Variants in IRAG2 observed in about 807,000 individuals in gnomAD.
The protein encoded by IRAG2 is lymphoid restricted membrane protein.
Under a neutral mutation model 69.9 loss-of-function variants are expected in IRAG2, and 45 were observed. That is an observed-to-expected ratio of 0.64 (90% CI 0.51 to 0.83). IRAG2 has a LOEUF of 0.83. IRAG2 is among the 40% of genes least tolerant of loss of function. The probability of loss-of-function intolerance (pLI) is 0.00; values close to 1 mark genes in which losing one functional copy is unlikely to be tolerated. For synonymous variants in IRAG2, 193 were observed against 202.4 expected (o/e 0.95, Z 0.40); for missense variants, 520 against 587.0 (o/e 0.89, Z 1.18).
In IRAG2 at chr12:25,083,303, T is replaced by C. The variant is rs139971023; in HGVS notation, c.245-120T>C. ...TACATTTTTTGTAGTTCATAATTTGTCTCATATGTTAAGACCTTTGTCAGT... is the reference window on the plus strand; with the variant it reads ...TACATTTTTTGTAGTTCATAATTTGCCTCATATGTTAAGACCTTTGTCAGT... On this transcript the variant is annotated intron_variant, in intron 9 of 21. Transcript: ENST00000556887. 215 of 747,332 alleles carry C rather than the reference T, an allele frequency of 2.9e-4. 1 individual carries two copies. The East Asian group carries it at 4.3e-3, about 15-fold the overall frequency. 46.3% of individuals were successfully genotyped at this position (747,332 alleles called of 1,614,324 possible).
At chr12:25,039,387 C>T (rs1379067223) in intron 16 of IRAG2, among the ~76,000 whole-genome samples, 3 of 152,176 alleles carry the variant, frequency 2.0e-5, no homozygotes, top group African/African-American at 4.8e-5. Flanking sequence ...TAAGTGGACA[C>T]GCAGCTTCCT....
intron 6 of IRAG2, among the ~76,000 whole-genome samples, chr12:25,073,782 T>C (rs1362931498): frequency 2.0e-5 from 3 of 152,252 alleles, no homozygotes; most frequent in Non-Finnish European, 4.4e-5. Context: ...CCAGTCCTTA[T>C]CTTTTGGAGA....
chr12:25,053,421 A>G (rs190269958), intron 1 of IRAG2, among the ~76,000 whole-genome samples: 145 of 152,142 alleles, frequency 9.5e-4, no homozygotes, highest in African/African-American at 3.5e-3. Flanking sequence ...AATTCAGTGT[A>G]TATCAAAATA....
In IRAG2 at chr12:25,106,413, A is replaced by G. The variant is rs1439663900; in HGVS notation, c.1149-530A>G. Among the ~76,000 whole-genome samples the G allele has an allele frequency of 2.1e-5, 3 of 145,956 alleles. No homozygotes were observed. In the East Asian group the frequency reaches 6.0e-4, roughly 29 times the overall value. ...TGTGTATATATTATAAACTTTGTATAAGCATATATTAATATGCATATATTA... is the reference window on the plus strand; with the variant it reads ...TGTGTATATATTATAAACTTTGTATGAGCATATATTAATATGCATATATTA... On this transcript the variant is annotated intron_variant, in intron 20 of 21. Transcript: ENST00000556887.
At chr12:25,017,284 G>A in exon 6 of IRAG2, 1 of 1,232,106 alleles carries the variant, frequency 8.1e-7, no homozygotes, top group Non-Finnish European at 1.0e-6. Flanking sequence ...TGCGCCTTCA[G>A]GTAAAAAGGT....
intron 3 of IRAG2, among the ~76,000 whole-genome samples, chr12:25,013,067 T>G (rs926044084): frequency 1.3e-5 from 2 of 152,176 alleles, no homozygotes; most frequent in African/African-American, 4.8e-5. Context: ...CTCTAGCCCA[T>G]GTGGTGGACT....
chr12:25,028,930 C>T (rs948094900), intron 9 of IRAG2, among the ~76,000 whole-genome samples: 2 of 152,122 alleles, frequency 1.3e-5, no homozygotes, highest in African/African-American at 4.8e-5. Flanking sequence ...TGGGATCTCA[C>T]TCTGTTACCT....
chr12:25,022,007 G>T (rs1944584973), intron 7 of IRAG2, among the ~76,000 whole-genome samples: 1 of 152,200 alleles, frequency 6.6e-6, no homozygotes, highest in Admixed American at 6.5e-5. Flanking sequence ...GCCCACGCTT[G>T]GGAGTCAGAC....
chr12:25,101,015 C>G, intron 15 of IRAG2, 163 bp from the exon 16 acceptor site: 2 of 503,518 alleles, frequency 4.0e-6, no homozygotes, highest in Non-Finnish European at 6.9e-6. Context: ...TTGTCATATT[C>G]TCTTCTGTTT....
At chr12:25,036,939 A>C (rs1384207700) in intron 15 of IRAG2, among the ~76,000 whole-genome samples, 1 of 151,756 alleles carries the variant, frequency 6.6e-6, no homozygotes, top group Non-Finnish European at 1.5e-5. Context: ...AATGAAAAAA[A>C]TGCATTTATC....
intron 2 of IRAG2, among the ~76,000 whole-genome samples, chr12:25,005,851 T>C (rs927724385): frequency 6.6e-6 from 1 of 152,128 alleles, no homozygotes; most frequent in African/African-American, 2.4e-5. Context: ...TATTAATAAG[T>C]TCCCAAAAGC....
At chr12:25,031,861 C>T (rs555268181) in intron 10 of IRAG2, among the ~76,000 whole-genome samples, 1 of 152,124 alleles carries the variant, frequency 6.6e-6, no homozygotes, top group South Asian at 2.1e-4. Context: ...AGGGTTTCCC[C>T]ATGTTGGTCA....
At chr12:25,055,491 G>A (rs773456101) in intron 1 of IRAG2, among the ~76,000 whole-genome samples, 6 of 152,068 alleles carry the variant, frequency 3.9e-5, no homozygotes, top group Non-Finnish European at 7.4e-5. Context: ...ATGTTCTAGG[G>A]TACATGTGTA....
intron 8 of IRAG2, among the ~76,000 whole-genome samples, chr12:25,024,102 CTG>C (rs1438716504): frequency 1.3e-5 from 2 of 152,120 alleles, no homozygotes; most frequent in Admixed American, 1.3e-4. Flanking sequence ...AACAGAGAAA[CTG>C]TTACTTTTGC....
chr12:25,002,763 T>C (rs1944401642), upstream of IRAG2, among the ~76,000 whole-genome samples: 2 of 151,890 alleles, frequency 1.3e-5, no homozygotes, highest in African/African-American at 4.8e-5. Context: ...TGCCTCAGCC[T>C]CCCAAGTAGC....
chr12:25,018,902 C>T (rs769261099), intron 6 of IRAG2, among the ~76,000 whole-genome samples: 10 of 152,220 alleles, frequency 6.6e-5, no homozygotes, highest in Non-Finnish European at 1.5e-4. Flanking sequence ...CTGTCTGTTT[C>T]CTTTGGGTTC....
chr12:25,021,091 C>CTTTTTTTTTTTTTTTTTTTTTTTTTTTTT (rs71063389), intron 7 of IRAG2: 1 of 266,020 alleles, frequency 3.8e-6, no homozygotes, highest in Non-Finnish European at 6.7e-6. Context: ...TCTTTCTTTT[C>CTTTTTTTTTTTTTTTTTTTTTTTTTTTTT]TTTTTTTTTT....
At chr12:25,052,198 T>C, upstream of IRAG2, 1 of 381,992 alleles carries the variant, frequency 2.6e-6, no homozygotes. Context: ...CAGCTTGCGG[T>C]TTGGACTTTT....
At chr12:25,001,041 CACCCCATCTTATT>C (rs1206576330), upstream of IRAG2, among the ~76,000 whole-genome samples, 5 of 152,174 alleles carry the variant, frequency 3.3e-5, no homozygotes, top group African/African-American at 4.8e-5. Context: ...AAATCTTTAT[CACCCCATCTTATT>C]TATTAAACTC....
Sources: allele counts gnomAD v4.1 joint callset (sites outside exome capture counted in the v4.1 genomes callset), GRCh38; gene constraint gnomAD v4.1.1; transcripts MANE v1.5; gene names NCBI Gene and HGNC (gene_info 2026-07-23, HGNC 2026-07-21).